PRKCG: variants seen among roughly 807,000 people sequenced by gnomAD.
PRKCG encodes the protein protein kinase C gamma type.
In PRKCG, 28 loss-of-function variants were observed where a neutral mutation model predicts 82.0. That is an observed-to-expected ratio of 0.34 (90% CI 0.25 to 0.47). The LOEUF is 0.47. PRKCG is among the 20% of genes least tolerant of loss of function. The pLI, the probability that PRKCG is intolerant of heterozygous loss-of-function variation, is 1.00. For missense variants in PRKCG, 640 were observed against 952.7 expected, an observed-to-expected ratio of 0.67 and a Z score of 4.32; for synonymous variants, 383 against 376.6, an observed-to-expected ratio of 1.02 and a Z score of -0.20.
chr19:53,902,967 G>T, intron 14 of PRKCG, 106 bp from the exon 15 acceptor site: 18 of 638,418 alleles, frequency 2.8e-5, no homozygotes, highest in Non-Finnish European at 3.9e-5. Flanking sequence ...GGAAGAGCTT[G>T]TGCTGAAAGC....
At position 53,900,777 on chromosome 19, in the gene PRKCG, C is replaced by T. The variant is rs185779854; in HGVS notation, c.1575+28C>T. On this transcript the variant is annotated intron_variant, in intron 14 of 17. Coordinates refer to ENST00000263431, the MANE Select transcript of PRKCG (RefSeq NM_002739.5). This position sits in a 1 kb window ranked among gnomAD's most constrained non-coding sequence, Gnocchi z 4.2. ...AACCCCAACCCTGCTGCTCTGGTCA[C>T]GCTTTGAGATCCCTTAGAGGGTGTA... The T allele has an allele frequency of 1.7e-3, 2,669 of 1,613,976 alleles. 2 individuals are homozygous for T. Among genetic ancestry groups the T allele is most frequent in the Non-Finnish European group, 2.1e-3 (2,431 of 1,180,026 alleles).
chr19:53,901,410 G>A (rs894269809), intron 14 of PRKCG, among the ~76,000 whole-genome samples: 1 of 152,038 alleles, frequency 6.6e-6, no homozygotes, highest in African/African-American at 2.4e-5. Flanking sequence ...CGGGCGTGGT[G>A]GCATGCGCCT....
At chr19:53,891,575 C>G in intron 5 of PRKCG, 99 bp from the exon 6 acceptor site, 1 of 1,495,512 alleles carries the variant, frequency 6.7e-7, no homozygotes, top group Non-Finnish European at 9.3e-7. Flanking sequence ...AGCCGCCGTG[C>G]CTGGCCAAGC....
Position 53,900,584 on chromosome 19 carries a change from C to T in PRKCG, c.1437-27C>T, listed in dbSNP as rs372209125. Reference sequence around the variant, plus strand: ...GCTGAACTCAACACTTCTTGCAATTCCTGCCCCACACCCCTGCATCGTCCA... The same window carrying T: ...GCTGAACTCAACACTTCTTGCAATTTCTGCCCCACACCCCTGCATCGTCCA... On this transcript the variant is annotated intron_variant, in intron 13 of 17. Transcript: ENST00000263431. The surrounding 1 kb of genome is among the most constrained non-coding windows in gnomAD (Gnocchi z 4.2). 5.4e-5 allele frequency: 87 copies of T among 1,614,110 alleles called. No homozygotes were observed. Among genetic ancestry groups the T allele is most frequent in the Non-Finnish European group, 7.0e-5 (83 of 1,180,052 alleles).
chr19:53,898,893 T>C (rs1242640069), intron 11 of PRKCG, among the ~76,000 whole-genome samples: 12 of 47,828 alleles, frequency 2.5e-4, no homozygotes, highest in African/African-American at 1.2e-3. Context: ...CTCGGGGGCG[T>C]GGCCAGGTGG....
intron 14 of PRKCG, among the ~76,000 whole-genome samples, chr19:53,901,320 G>A (rs2068761500): frequency 6.6e-6 from 1 of 151,866 alleles, no homozygotes; most frequent in Admixed American, 6.6e-5. Context: ...GAGGCAGGTG[G>A]ATCACTTGAG....
chr19:53,900,191 G>T lies in PRKCG; in HGVS notation c.1282-42G>T. ...TCAGGAAAGAAATTCTCCTACTCTG[G>T]GTAGATGGATCCCGCCTCTAAGCCC... On this transcript the variant is annotated intron_variant, in intron 11 of 17. Coordinates refer to ENST00000263431, the MANE Select transcript of PRKCG (RefSeq NM_002739.5). This position sits in a 1 kb window ranked among gnomAD's most constrained non-coding sequence, Gnocchi z 4.2. 1.3e-6 allele frequency: 2 copies of T among 1,560,390 alleles called. No individual in the cohort carries two copies. The highest frequency in any genetic ancestry group is 1.8e-6 in the Non-Finnish European group (2 of 1,131,164).
At chr19:53,891,214 G>T (rs146274925) in intron 5 of PRKCG, among the ~76,000 whole-genome samples, 141 of 152,146 alleles carry the variant, frequency 9.3e-4, no homozygotes, top group African/African-American at 3.3e-3. Flanking sequence ...AGGGCTCTAT[G>T]CCCTGTCTTC....
At chr19:53,904,328 C>A (rs1005009550) in intron 15 of PRKCG, among the ~76,000 whole-genome samples, 1 of 151,072 alleles carries the variant, frequency 6.6e-6, no homozygotes, top group Non-Finnish European at 1.5e-5. Context: ...GCAGTTTTTC[C>A]TCTCTTCTAT....
In PRKCG at chr19:53,903,061, C is replaced by T; in HGVS notation, c.1576-12C>T. On this transcript the variant is annotated splice_polypyrimidine_tract_variant and intron_variant, in intron 14 of 17. Coordinates refer to ENST00000263431, the MANE Select transcript of PRKCG (RefSeq NM_002739.5). ...GAACGCATCATGATTCCCTGCCTTC[C>T]ACCTCCCCTAGATCATTGCCTACCA... The T allele has an allele frequency of 6.2e-7, 1 of 1,609,932 alleles. No individual in the cohort carries two copies. The highest frequency in any genetic ancestry group is 8.5e-7 in the Non-Finnish European group (1 of 1,176,284).
rs1222518796 is a variant in PRKCG at position 53,892,056 on chromosome 19, C to T, written c.686+226C>T. On this transcript the variant is annotated intron_variant, in intron 6 of 17. Transcript: ENST00000263431. The surrounding 1 kb of genome is among the most constrained non-coding windows in gnomAD (Gnocchi z 5.9). ...GTATAATTAGTCTCCATTGAAGCCC[C>T]CAACTTTAGAGTTAGACAGAGATGA... Among the ~76,000 whole-genome samples the T allele has an allele frequency of 6.6e-6, 1 of 152,046 alleles. No individual in the cohort carries two copies. Among genetic ancestry groups the T allele is most frequent in the Non-Finnish European group, 1.5e-5 (1 of 68,014 alleles).
chr19:53,907,053 T>G lies in PRKCG; in HGVS notation c.*158T>G. ...GGGTTCTAGACGCCCCTCCCAAGCG[T>G]TCCTGGCCTTCTGAACTCCATACAG... is the stretch of plus-strand genomic sequence containing the variant. On this transcript the variant is annotated 3_prime_UTR_variant, in exon 18 of 18. Transcript: ENST00000263431. 1 of 1,494,584 alleles carries G rather than the reference T, an allele frequency of 6.7e-7. No individual in the cohort carries two copies. The allele number at this position is 1,494,584 out of a possible 1,614,324, so 92.6% of individuals were successfully genotyped here.
In PRKCG at chr19:53,892,466, C is replaced by T. The variant is rs775440198; in HGVS notation, c.687-43C>T. 3.6e-5 allele frequency: 57 copies of T among 1,596,152 alleles called. No individual in the cohort carries two copies. Among genetic ancestry groups the T allele is most frequent in the Admixed American group, 8.6e-5 (5 of 58,104 alleles). On this transcript the variant is annotated intron_variant, in intron 6 of 17. Coordinates refer to ENST00000263431, the MANE Select transcript of PRKCG (RefSeq NM_002739.5). This position sits in a 1 kb window ranked among gnomAD's most constrained non-coding sequence, Gnocchi z 5.9. The stretch of plus-strand genomic sequence containing the variant: ...CCAAGGATGGGGAACCGAGGGGAGC[C>T]ATGAGCTCGGCTCTGCACCCCATCC...
In PRKCG at chr19:53,892,526, A is replaced by T; in HGVS notation, c.704A>T (p.Asp235Val). 2 of 1,612,580 alleles carry T rather than the reference A, an allele frequency of 1.2e-6. No individual in the cohort carries two copies. Among genetic ancestry groups the T allele is most frequent in the South Asian group, 2.2e-5 (2 of 90,960 alleles). ...ETFVFNLKPG[D>V]VERRLSVEVW... is the part of the protein sequence containing the mutation. ...TCCTGCAGCAACCTGAAGCCAGGGG[A>T]TGTGGAGCGCCGGCTCAGCGTGGAG... Residue 235 changes from aspartate (D) to valine (V), a missense_variant, in exon 7 of 18, where the codon GAT becomes GTT. Physicochemically the swap from Asp to Val is radical, Grantham distance 152. Coordinates refer to ENST00000263431, the MANE Select transcript of PRKCG (RefSeq NM_002739.5). The surrounding 1 kb of genome is among the most constrained non-coding windows in gnomAD (Gnocchi z 5.9).
In PRKCG at chr19:53,892,381, C is replaced by A; in HGVS notation, c.687-128C>A. The A allele has an allele frequency of 1.4e-6, 2 of 1,423,076 alleles. No homozygotes were observed. The highest frequency in any genetic ancestry group is 1.3e-5 in the South Asian group (1 of 77,754). 88.2% of individuals were successfully genotyped at this position (1,423,076 alleles called of 1,614,324 possible). Reference sequence around the variant, plus strand: ...GAGCCCGGCTGGGAAGGTCAGAGGTCGGAGACCGACAAAGCAGGAGAGGAG... The same window carrying A: ...GAGCCCGGCTGGGAAGGTCAGAGGTAGGAGACCGACAAAGCAGGAGAGGAG... On this transcript the variant is annotated intron_variant, in intron 6 of 17. Transcript: ENST00000263431. This position sits in a 1 kb window ranked among gnomAD's most constrained non-coding sequence, Gnocchi z 5.9.
chr19:53,889,986 G>A lies in PRKCG; in HGVS notation c.498G>A (p.Arg166=), dbSNP rs148370843. 1 of 1,570,834 alleles carries A rather than the reference G, an allele frequency of 6.4e-7. No individual in the cohort carries two copies. The highest frequency in any genetic ancestry group is 2.4e-5 in the East Asian group (1 of 42,272). Residue 166 remains arginine (R), a synonymous_variant, in exon 5 of 18, where the codon CGG becomes CGA. Transcript: ENST00000263431. The surrounding 1 kb of genome is among the most constrained non-coding windows in gnomAD (Gnocchi z 4.4). The part of the protein sequence containing the change: ...ERRGRLQLEI[R]APTADEIHVT... ...GCGGGCGCCTGCAGCTGGAGATCCG[G>A]GCTCCCACAGCAGATGAGATCCACG...
chr19:53,900,853 C>A lies in PRKCG; in HGVS notation c.1575+104C>A. The A allele has an allele frequency of 6.4e-7, 1 of 1,574,038 alleles. No individual in the cohort carries two copies. Among genetic ancestry groups the A allele is most frequent in the Non-Finnish European group, 8.7e-7 (1 of 1,153,130 alleles). On this transcript the variant is annotated intron_variant, in intron 14 of 17. Transcript: ENST00000263431. This position sits in a 1 kb window ranked among gnomAD's most constrained non-coding sequence, Gnocchi z 4.2. Reference sequence around the variant, plus strand: ...GTGAGGCCTGACCCTCAGACCTTGTCATGAGTTGTGGCCTTCTTACACAGC... The same window carrying A: ...GTGAGGCCTGACCCTCAGACCTTGTAATGAGTTGTGGCCTTCTTACACAGC...
Position 53,882,615 on chromosome 19 carries a change from C to G in PRKCG, c.121C>G (p.Arg41Gly). 1 of 1,613,816 alleles carries G rather than the reference C, an allele frequency of 6.2e-7. No homozygotes were observed. Among genetic ancestry groups the G allele is most frequent in the Non-Finnish European group, 8.5e-7 (1 of 1,180,028 alleles). ...HEVKSHKFTA[R>G]FFKQPTFCSH... ...AGTCAAGAGCCACAAGTTCACCGCTCGCTTCTTCAAGCAGCCCACCTTCTG... is the reference window on the plus strand; with the variant it reads ...AGTCAAGAGCCACAAGTTCACCGCTGGCTTCTTCAAGCAGCCCACCTTCTG... Residue 41 changes from arginine (R) to glycine (G), a missense_variant, in exon 1 of 18, where the codon CGC becomes GGC. Physicochemically the swap from Arg to Gly is moderately radical, Grantham distance 125. Coordinates refer to ENST00000263431, the MANE Select transcript of PRKCG (RefSeq NM_002739.5). This position sits in a 1 kb window ranked among gnomAD's most constrained non-coding sequence, Gnocchi z 6.1.
At chr19:53,905,910 T>C (rs1195601493) in intron 16 of PRKCG, among the ~76,000 whole-genome samples, 1 of 128,376 alleles carries the variant, frequency 7.8e-6, no homozygotes, top group Non-Finnish European at 1.7e-5. Context: ...CTCTCCTTCT[T>C]CCTGTCTCTC....
Sources: allele counts gnomAD v4.1 joint callset (sites outside exome capture counted in the v4.1 genomes callset), GRCh38; gene constraint gnomAD v4.1.1; non-coding constraint Gnocchi (gnomAD v3.1); transcripts MANE v1.5; gene names NCBI Gene and HGNC (gene_info 2026-07-23, HGNC 2026-07-21).